Variants in ATP4A observed in about 807,000 individuals in gnomAD.
ATP4A encodes potassium-transporting ATPase alpha chain 1.
ATP4A carries 73 observed loss-of-function variants against 112.1 expected under a neutral mutation model. The observed-to-expected ratio is 0.65, with a 90% confidence interval of 0.54 to 0.79. ATP4A has a LOEUF of 0.79. ATP4A is among the 30% of genes least tolerant of loss of function. The pLI, the probability that ATP4A is intolerant of heterozygous loss-of-function variation, is 0.00. For missense variants in ATP4A, 1,081 were observed against 1,425.9 expected, an observed-to-expected ratio of 0.76 and a Z score of 3.90; for synonymous variants, 588 against 588.9, an observed-to-expected ratio of 1.00 and a Z score of 0.02.
At chr19:35,554,830 G>A in intron 16 of ATP4A, 92 bp downstream of exon 16, 1 of 1,540,208 alleles carries the variant, frequency 6.5e-7, no homozygotes, top group Non-Finnish European at 8.9e-7. Context: ...CTGTGCCCAA[G>A]AGTGTCTGTG....
intron 3 of ATP4A, 62 bp from the exon 4 acceptor site, chr19:35,562,700 G>T: frequency 6.8e-7 from 1 of 1,481,290 alleles, no homozygotes; most frequent in Non-Finnish European, 9.1e-7. Context: ...ACACCCCGTG[G>T]AAAGCCCCCT....
Position 35,550,832 on chromosome 19 carries a change from A to T in ATP4A, c.3079+2T>A. 6.2e-7 allele frequency: 1 copy of T among 1,613,936 alleles called. No individual in the cohort carries two copies. Among genetic ancestry groups the T allele is most frequent in the Non-Finnish European group, 8.5e-7 (1 of 1,179,904 alleles). On this transcript the variant is annotated splice_donor_variant, in intron 21 of 21. Coordinates refer to ENST00000262623, the MANE Select transcript of ATP4A (RefSeq NM_000704.3). LOFTEE classifies it high-confidence loss of function. This position sits in a 1 kb window ranked among gnomAD's most constrained non-coding sequence, Gnocchi z 4.1. Reference sequence around the variant, plus strand: ...CCCCAGGCTCCCAGTCTCCACACTCACTCCCTGGGCAACAGCGAACTCCAA... The same window carrying T: ...CCCCAGGCTCCCAGTCTCCACACTCTCTCCCTGGGCAACAGCGAACTCCAA...
chr19:35,557,233 G>A lies in ATP4A; in HGVS notation c.1694-145C>T, dbSNP rs1361729077. 1.1e-5 allele frequency: 10 copies of A among 927,370 alleles called. No individual in the cohort carries two copies. Among genetic ancestry groups the A allele is most frequent in the South Asian group, 1.6e-5 (1 of 61,270 alleles). The allele number at this position is 927,370 out of a possible 1,614,324, so 57.4% of individuals were successfully genotyped here. Reference sequence around the variant, plus strand: ...GCTGACCCCTTCACTCACATTATCTGAATCTACCCTCACAACCACCCTGTG... The same window carrying A: ...GCTGACCCCTTCACTCACATTATCTAAATCTACCCTCACAACCACCCTGTG... On this transcript the variant is annotated intron_variant, in intron 11 of 21. Coordinates refer to ENST00000262623, the MANE Select transcript of ATP4A (RefSeq NM_000704.3). This position sits in a 1 kb window ranked among gnomAD's most constrained non-coding sequence, Gnocchi z 4.4.
At position 35,551,807 on chromosome 19, in the gene ATP4A, C is replaced by T. The variant is rs2071603652; in HGVS notation, c.2752-227G>A. 6.6e-6 allele frequency among the ~76,000 whole-genome samples: 1 copy of T among 152,108 alleles called. No individual in the cohort carries two copies. The highest frequency in any genetic ancestry group is 2.1e-4 in the South Asian group (1 of 4,824). On this transcript the variant is annotated intron_variant, in intron 18 of 21. Coordinates refer to ENST00000262623, the MANE Select transcript of ATP4A (RefSeq NM_000704.3). The surrounding 1 kb of genome is among the most constrained non-coding windows in gnomAD (Gnocchi z 5.2). ...CCTCAGCCTAGCAGAGCTTGGATGA[C>T]AGTGGCCGGGAAAACTGTAGGCTGG...
chr19:35,563,086 T>A, intron 3 of ATP4A, 123 bp downstream of exon 3: 1 of 972,324 alleles, frequency 1.0e-6, no homozygotes, highest in Non-Finnish European at 1.5e-6. Flanking sequence ...CTCTCTCTAT[T>A]TCTCCATATC....
rs2230181 is a variant in ATP4A at position 35,557,839 on chromosome 19, G to T, written c.1509C>A (p.Ile503=). The T allele has an allele frequency of 0.38, 569,888 of 1,518,700 alleles. 110,232 individuals carry two copies. Among genetic ancestry groups the T allele is most frequent in the Middle Eastern group, 0.43 (1,964 of 4,598 alleles). 94.1% of individuals were successfully genotyped at this position (1,518,700 alleles called of 1,614,324 possible). ...GGTCCCGCGGGTCCTCCAGCGTATGGATGGACAGCTGTGGGCGGGGGGGAG... is the reference window on the plus strand; with the variant it reads ...GGTCCCGCGGGTCCTCCAGCGTATGTATGGACAGCTGTGGGCGGGGGGGAG... ...FNSTNKFQLS[I]HTLEDPRDPR... Residue 503 remains isoleucine, a synonymous_variant, in exon 11 of 22, where the codon ATC becomes ATA. Transcript: ENST00000262623. This position sits in a 1 kb window ranked among gnomAD's most constrained non-coding sequence, Gnocchi z 4.4.
At position 35,557,678 on chromosome 19, in the gene ATP4A, C is replaced by G. The variant is rs1313379673; in HGVS notation, c.1670G>C (p.Gly557Ala). ...ACCGAGCACGCGTTCGCCCAGGCCT[C>G]CCAGGCTGAGGTAGGCGGTCTGGAA... ...EAFQTAYLSLGGLGERVLGFC... is the reference protein window; with the variant it reads ...EAFQTAYLSLAGLGERVLGFC... The change falls in exon 11 of 22, where the codon GGA (glycine) becomes GCA (alanine). Residue 557 changes from glycine (G) to alanine (A), a missense_variant. Transcript: ENST00000262623. The surrounding 1 kb of genome is among the most constrained non-coding windows in gnomAD (Gnocchi z 4.4). 6.2e-7 allele frequency: 1 copy of G among 1,608,948 alleles called. No individual in the cohort carries two copies. The highest frequency in any genetic ancestry group is 1.3e-5 in the African/African-American group (1 of 74,950).
chr19:35,556,920 C>G lies in ATP4A; in HGVS notation c.1862G>C (p.Gly621Ala), dbSNP rs1178488600. The G allele has an allele frequency of 2.5e-6, 4 of 1,613,674 alleles. No individual in the cohort carries two copies. In the South Asian group the frequency reaches 4.4e-5, roughly 18 times the overall value. The change falls in exon 12 of 22, where the codon GGC (glycine) becomes GCC (alanine). Residue 621 changes from glycine to alanine, a missense_variant. Gly to Ala is a moderately conservative substitution (Grantham distance 60). Transcript: ENST00000262623. ...PDAVLKCRTA[G>A]IRVIMVTGDH... is the part of the protein sequence containing the mutation. ...CTCCCCACAGTGGCATACCCGGATG[C>G]CTGCGGTGCGACACTTGAGCACAGC...
In ATP4A at chr19:35,558,349, G is replaced by A. The variant is rs754359989; in HGVS notation, c.1500+13C>T. On this transcript the variant is annotated intron_variant, in intron 10 of 21. Transcript: ENST00000262623. This position sits in a 1 kb window ranked among gnomAD's most constrained non-coding sequence, Gnocchi z 5.1. ...TGGGCGGGCCCAGGCCGTGGGCGGG[G>A]CCGGCTGCGCACCTGGAACTTGTTG... 11 of 1,604,720 alleles carry A rather than the reference G, an allele frequency of 6.9e-6. No homozygotes were observed. The African/African-American group carries it at 1.3e-4, about 19-fold the overall frequency.
chr19:35,551,164 A>G lies in ATP4A; in HGVS notation c.2886-53T>C. The G allele has an allele frequency of 6.5e-7, 1 of 1,527,838 alleles. No individual in the cohort carries two copies. The highest frequency in any genetic ancestry group is 1.2e-5 in the South Asian group (1 of 83,976). 94.6% of individuals were successfully genotyped at this position (1,527,838 alleles called of 1,614,324 possible). ...ATTAGGAATTGGGGACGTGATGGAAATCAGGATACTGTGGGTCAAAGTAGG... is the reference window on the plus strand; with the variant it reads ...ATTAGGAATTGGGGACGTGATGGAAGTCAGGATACTGTGGGTCAAAGTAGG... On this transcript the variant is annotated intron_variant, in intron 19 of 21. Transcript: ENST00000262623. The surrounding 1 kb of genome is among the most constrained non-coding windows in gnomAD (Gnocchi z 5.2).
At chr19:35,563,094 A>T in intron 3 of ATP4A, 115 bp downstream of exon 3, 1 of 1,125,540 alleles carries the variant, frequency 8.9e-7, no homozygotes, top group Non-Finnish European at 1.2e-6. Flanking sequence ...ATTTCTCCAT[A>T]TCTTCCTCTC....
rs1483554588 is a variant in ATP4A at position 35,557,766 on chromosome 19, G to A, written c.1582C>T (p.Arg528Cys). 12 of 1,586,466 alleles carry A rather than the reference G, an allele frequency of 7.6e-6. No homozygotes were observed. Among genetic ancestry groups the A allele is most frequent in the South Asian group, 1.1e-5 (1 of 89,668 alleles). ...MKGAPERVLERCSSILIKGQE... is the reference protein window; with the variant it reads ...MKGAPERVLECCSSILIKGQE... ...CCCTTGATAAGGATGGAGCTGCAGCGCTCCAGCACGCGCTCGGGGGCGCCC... is the reference window on the plus strand; with the variant it reads ...CCCTTGATAAGGATGGAGCTGCAGCACTCCAGCACGCGCTCGGGGGCGCCC... The change falls in exon 11 of 22, where the codon CGC becomes TGC. Residue 528 changes from arginine to cysteine, a missense_variant. Around this residue, in one of 3 missense-constraint regions of ATP4A, gnomAD observed 850 missense variants for 1,068.2 expected, o/e 0.80. Coordinates refer to ENST00000262623, the MANE Select transcript of ATP4A (RefSeq NM_000704.3). This position sits in a 1 kb window ranked among gnomAD's most constrained non-coding sequence, Gnocchi z 4.4.
In ATP4A at chr19:35,553,120, A is replaced by ACCAGCCCTC; in HGVS notation, c.2659_2667dup (p.Glu887_Trp889dup). The stretch of plus-strand genomic sequence containing the variant: ...CGCAGCCCCACGCACAGCAGTGGGA[A>ACCAGCCCTC]CCAGCCCTCCTGGGCCATTGCCGTG... On this transcript the variant is annotated inframe_insertion, in exon 18 of 22. Transcript: ENST00000262623. The ACCAGCCCTC allele has an allele frequency of 6.2e-7, 1 of 1,610,896 alleles. No individual in the cohort carries two copies. The highest frequency in any genetic ancestry group is 8.5e-7 in the Non-Finnish European group (1 of 1,177,328).
chr19:35,552,307 C>T (rs1173613968), intron 18 of ATP4A, among the ~76,000 whole-genome samples: 1 of 151,898 alleles, frequency 6.6e-6, no homozygotes, highest in Non-Finnish European at 1.5e-5. Context: ...GCTGGGTAAC[C>T]CTAGGAGGTA....
rs767356141 is a variant in ATP4A, at chr19:35,559,788, C to A, written c.1056+17G>T. 6.2e-7 allele frequency: 1 copy of A among 1,611,350 alleles called. No individual in the cohort carries two copies. On this transcript the variant is annotated intron_variant, in intron 7 of 21. Transcript: ENST00000262623. This position sits in a 1 kb window ranked among gnomAD's most constrained non-coding sequence, Gnocchi z 4.1. ...CAGGCCCCTCAGCTCCCTGCATCCC[C>A]GCCTGCCCCCACTCACTGTGACAGT... is the stretch of plus-strand genomic sequence containing the variant.
In ATP4A at chr19:35,551,691, T is replaced by G; in HGVS notation, c.2752-111A>C. 1 of 1,372,412 alleles carries G rather than the reference T, an allele frequency of 7.3e-7. No individual in the cohort carries two copies. The highest frequency in any genetic ancestry group is 1.0e-6 in the Non-Finnish European group (1 of 1,001,450). The allele number at this position is 1,372,412 out of a possible 1,614,324, so 85.0% of individuals were successfully genotyped here. A position where few individuals can be genotyped will look rare whatever the true frequency, so the allele number is the denominator to read the frequency against. ...CAGGGCCGTGAACCCCTAAATGCTC[T>G]CTCTGCCTTGCATCAGAGTGTGGGG... is the stretch of plus-strand genomic sequence containing the variant. On this transcript the variant is annotated intron_variant, in intron 18 of 21. Coordinates refer to ENST00000262623, the MANE Select transcript of ATP4A (RefSeq NM_000704.3). This position sits in a 1 kb window ranked among gnomAD's most constrained non-coding sequence, Gnocchi z 5.2.
rs769326256 is a variant in ATP4A, at chr19:35,551,976, C to T, written c.2752-396G>A. ...GCAAAAATAGGTGAGGCAGTCACCG[C>T]GGGCCTTTGGGAAAAGAGGGCAGAT... On this transcript the variant is annotated intron_variant, in intron 18 of 21. Transcript: ENST00000262623. The surrounding 1 kb of genome is among the most constrained non-coding windows in gnomAD (Gnocchi z 5.2). 3.9e-5 allele frequency among the ~76,000 whole-genome samples: 6 copies of T among 152,126 alleles called. No homozygotes were observed. The highest frequency in any genetic ancestry group is 2.6e-4 in the Admixed American group (4 of 15,274).
rs780026842 is a variant in ATP4A, at chr19:35,558,603, C to T, written c.1339G>A (p.Gly447Ser). Reference sequence around the variant, plus strand: ...TTGGGCACAGGCACTGCATCCTGGCCGGACTTGAAGGCGGCGCGGTTGCAC... The same window carrying T: ...TTGGGCACAGGCACTGCATCCTGGCTGGACTTGAAGGCGGCGCGGTTGCAC... ...TLCNRAAFKS[G>S]QDAVPVPKRI... The change falls in exon 9 of 22, where the codon GGC becomes AGC. Residue 447 changes from glycine (G) to serine (S), a missense_variant. Gly to Ser is a moderately conservative substitution (Grantham distance 56). Transcript: ENST00000262623. This position sits in a 1 kb window ranked among gnomAD's most constrained non-coding sequence, Gnocchi z 5.1. The T allele has an allele frequency of 6.2e-7, 1 of 1,603,756 alleles. No homozygotes were observed. Among genetic ancestry groups the T allele is most frequent in the South Asian group, 1.1e-5 (1 of 88,804 alleles).
At position 35,552,887 on chromosome 19, in the gene ATP4A, C is replaced by T. The variant is rs1465522694; in HGVS notation, c.2751+150G>A. 3.0e-6 allele frequency: 3 copies of T among 1,006,388 alleles called. No homozygotes were observed. In the East Asian group the frequency reaches 8.6e-5, roughly 29 times the overall value. 62.3% of individuals were successfully genotyped at this position (1,006,388 alleles called of 1,614,324 possible). On this transcript the variant is annotated intron_variant, in intron 18 of 21. Transcript: ENST00000262623. Reference sequence around the variant, plus strand: ...GGAGCTGGAGATGGTGGGAAAGGCCCTTGCCCCCCCGAACTGGCAGGGAGT... The same window carrying T: ...GGAGCTGGAGATGGTGGGAAAGGCCTTTGCCCCCCCGAACTGGCAGGGAGT...
Sources: allele counts gnomAD v4.1 joint callset (sites outside exome capture counted in the v4.1 genomes callset), GRCh38; gene constraint gnomAD v4.1.1; regional missense constraint gnomAD v4.1.1; non-coding constraint Gnocchi (gnomAD v3.1); transcripts MANE v1.5; gene names NCBI Gene and HGNC (gene_info 2026-07-23, HGNC 2026-07-21).